The following SGCG variants were observed in gnomAD, a reference collection of about 807,000 sequenced individuals.
The protein encoded by SGCG is sarcoglycan gamma, also known as gamma-sarcoglycan.
SGCG carries 26 observed loss-of-function variants against 29.3 expected under a neutral mutation model. The observed-to-expected ratio is 0.89, with a 90% CI of 0.65 to 1.23. The LOEUF is 1.23. Ranked by LOEUF, SGCG falls within the 50% of genes most tolerant of loss-of-function variation. The pLI is 0.00. For missense variants in SGCG, 353 were observed against 356.0 expected (o/e 0.99, Z 0.07); for synonymous variants, 145 against 129.7 (o/e 1.12, Z -0.80).
At chr13:23,198,964 G>C (rs794499) in intron 1 of SGCG, among the ~76,000 whole-genome samples, 34,143 of 150,702 alleles carry the variant, frequency 0.23, 4,125 homozygotes, top group East Asian at 0.35. Flanking sequence ...AAAAATTAGC[G>C]GGGCGTGGTG....
At chr13:23,185,607 GA>G (rs1160475570) in intron 1 of SGCG, among the ~76,000 whole-genome samples, 2 of 152,064 alleles carry the variant, frequency 1.3e-5, no homozygotes, top group South Asian at 2.1e-4. Context: ...TTGAAAAAAA[GA>G]AAAAAAATCC....
chr13:23,324,833 T>C lies in SGCG; in HGVS notation c.*292T>C, dbSNP rs1387862271. Reference sequence around the variant, plus strand: ...ATTCTCTCTGCCTCGCCTCCCCCTATCTTGTCCGTGTGGGCACACACTGAG... The same window carrying C: ...ATTCTCTCTGCCTCGCCTCCCCCTACCTTGTCCGTGTGGGCACACACTGAG... On this transcript the variant is annotated 3_prime_UTR_variant, in exon 8 of 8. Coordinates refer to ENST00000218867, the MANE Select transcript of SGCG (RefSeq NM_000231.3). 5 of 417,678 alleles carry C rather than the reference T, an allele frequency of 1.2e-5. No homozygotes were observed. The highest frequency in any genetic ancestry group is 2.3e-5 in the Non-Finnish European group (5 of 221,294). The allele number at this position is 417,678 out of a possible 1,614,324, so 25.9% of individuals were successfully genotyped here.
rs111339700 is a variant in SGCG, at chr13:23,194,879, G to C, written c.1-8816G>C. On this transcript the variant is annotated intron_variant, in intron 1 of 7. Transcript: ENST00000218867. ...CAGAAGAAAAAAGTAGACATCGACT[G>C]TAATAGGACACAGAAGAAAACAGTA... 2.4e-3 allele frequency among the ~76,000 whole-genome samples: 361 copies of C among 152,306 alleles called. 2 individuals are homozygous for C. Among genetic ancestry groups the C allele is most frequent in the African/African-American group, 8.2e-3 (341 of 41,562 alleles).
chr13:23,240,454 G>A (rs1440797132), intron 3 of SGCG, among the ~76,000 whole-genome samples: 2 of 152,178 alleles, frequency 1.3e-5, no homozygotes, highest in African/African-American at 4.8e-5. Context: ...CTTGAACAAT[G>A]CTATCAACCA....
At chr13:23,183,276 C>A (rs947914676) in intron 1 of SGCG, among the ~76,000 whole-genome samples, 9 of 152,178 alleles carry the variant, frequency 5.9e-5, no homozygotes, top group African/African-American at 1.9e-4. Flanking sequence ...CCCATCAATG[C>A]ACCCTCTTAT....
chr13:23,288,456 T>C (rs1881585160), intron 5 of SGCG, among the ~76,000 whole-genome samples: 1 of 152,152 alleles, frequency 6.6e-6, no homozygotes, highest in Non-Finnish European at 1.5e-5. Flanking sequence ...GCTGTTGCTA[T>C]TCTCTTAATT....
At chr13:23,216,894 G>A (rs1878449714) in intron 2 of SGCG, among the ~76,000 whole-genome samples, 1 of 152,014 alleles carries the variant, frequency 6.6e-6, no homozygotes, top group Admixed American at 6.6e-5. Flanking sequence ...TGATCATCTG[G>A]TCTGGGTTCC....
chr13:23,244,603 C>T (rs1442985936), intron 3 of SGCG: 1 of 152,124 alleles, frequency 6.6e-6, no homozygotes, highest in Admixed American at 6.5e-5. Context: ...AACCAGTGCG[C>T]ACAAGCACTG....
rs535339133 is a variant in SGCG, at chr13:23,310,872, C to T, written c.579-9765C>T. Among the ~76,000 whole-genome samples, 43 of 152,290 alleles carry T rather than the reference C, an allele frequency of 2.8e-4. 1 individual carries two copies. In the South Asian group the frequency reaches 7.3e-3, roughly 26 times the overall value. ...AATAATATTTTTAAAAACTTAGTCA[C>T]TTCCATCCAAACTTCCCTTTCATTG... On this transcript the variant is annotated intron_variant, in intron 6 of 7. Coordinates refer to ENST00000218867, the MANE Select transcript of SGCG (RefSeq NM_000231.3).
chr13:23,282,961 A>T (rs191115421), intron 5 of SGCG, among the ~76,000 whole-genome samples: 21 of 152,268 alleles, frequency 1.4e-4, no homozygotes, highest in Admixed American at 1.4e-3. Context: ...TCCTAACTTG[A>T]TTGCACTGTG....
chr13:23,196,499 G>C (rs1877516613), intron 1 of SGCG, among the ~76,000 whole-genome samples: 2 of 152,166 alleles, frequency 1.3e-5, no homozygotes, highest in African/African-American at 4.8e-5. Flanking sequence ...AACTGCTGCA[G>C]TGATGGTGTT....
chr13:23,310,830 A>G (rs957937823), intron 6 of SGCG, among the ~76,000 whole-genome samples: 57 of 152,142 alleles, frequency 3.7e-4, no homozygotes, highest in Non-Finnish European at 7.8e-4. Flanking sequence ...GTCTACATCA[A>G]TACCACCTTC....
chr13:23,242,876 A>G (rs976019393), intron 3 of SGCG, among the ~76,000 whole-genome samples: 1 of 152,094 alleles, frequency 6.6e-6, no homozygotes, highest in Non-Finnish European at 1.5e-5. Context: ...GTCAAAAAAC[A>G]AAAACAAAAA....
At chr13:23,248,370 G>A (rs1879804517) in intron 3 of SGCG, among the ~76,000 whole-genome samples, 1 of 152,142 alleles carries the variant, frequency 6.6e-6, no homozygotes, top group South Asian at 2.1e-4. Flanking sequence ...GAGCATTGTA[G>A]TTCTGAGTGT....
chr13:23,286,914 C>T (rs185684745), intron 5 of SGCG, among the ~76,000 whole-genome samples: 4 of 152,192 alleles, frequency 2.6e-5, no homozygotes, highest in African/African-American at 4.8e-5. Context: ...TATTTTAGGA[C>T]GGTGGGTAAC....
intron 4 of SGCG, among the ~76,000 whole-genome samples, chr13:23,274,610 G>C (rs1229475680): frequency 1.3e-5 from 2 of 151,916 alleles, no homozygotes; most frequent in Non-Finnish European, 2.9e-5. Context: ...TTTTAGTAGA[G>C]ACGGGGTTTC....
intron 5 of SGCG, among the ~76,000 whole-genome samples, chr13:23,280,141 C>G (rs551830373): frequency 6.8e-4 from 103 of 152,196 alleles, no homozygotes; most frequent in Admixed American, 3.8e-3. Flanking sequence ...ACATCATGTA[C>G]TTGAATTACT....
intron 2 of SGCG, among the ~76,000 whole-genome samples, chr13:23,211,009 C>A (rs1276918441): frequency 1.3e-5 from 2 of 151,982 alleles, no homozygotes; most frequent in African/African-American, 4.8e-5. Context: ...CTGAAAGGAA[C>A]AAAAAGAAAT....
chr13:23,240,694 T>C (rs900728536), intron 3 of SGCG, among the ~76,000 whole-genome samples: 2 of 94,778 alleles, frequency 2.1e-5, no homozygotes, highest in Non-Finnish European at 4.3e-5. Flanking sequence ...CTGGAAATTA[T>C]ATAAAAATTT....
Sources: allele counts gnomAD v4.1 joint callset (sites outside exome capture counted in the v4.1 genomes callset), GRCh38; gene constraint gnomAD v4.1.1; transcripts MANE v1.5; gene names NCBI Gene and HGNC (gene_info 2026-07-23, HGNC 2026-07-21).